SLIT2: variants seen among roughly 807,000 people sequenced by gnomAD.
SLIT2 encodes slit homolog 2 protein.
Under a neutral mutation model 185.7 loss-of-function variants are expected in SLIT2, and 41 were observed. The ratio of observed to expected loss-of-function variants is 0.22; its 90% CI spans 0.17 to 0.29. SLIT2 has a LOEUF of 0.29. SLIT2 is among the 10% of genes least tolerant of loss of function. The probability of loss-of-function intolerance (pLI) is 1.00; values close to 1 mark genes in which losing one functional copy is unlikely to be tolerated. For synonymous variants in SLIT2, 693 were observed against 680.2 expected (o/e 1.02, Z -0.29); for missense variants, 1,571 against 1,909.0 (o/e 0.82, Z 3.30).
chr4:20,444,281 G>A (rs541910453), intron 4 of SLIT2, among the ~76,000 whole-genome samples: 3 of 152,160 alleles, frequency 2.0e-5, no homozygotes, highest in South Asian at 4.2e-4. Context: ...ATAAAAATAG[G>A]CTCATTTAAG....
intron 4 of SLIT2, among the ~76,000 whole-genome samples, chr4:20,454,537 A>G (rs985958970): frequency 6.6e-6 from 1 of 152,294 alleles, no homozygotes; most frequent in Non-Finnish European, 1.5e-5. Flanking sequence ...ATTACTCAGT[A>G]GTTTCCAAAG....
intron 4 of SLIT2, among the ~76,000 whole-genome samples, chr4:20,453,595 A>C (rs1012785703): frequency 2.6e-5 from 4 of 152,226 alleles, no homozygotes; most frequent in Non-Finnish European, 5.9e-5. Flanking sequence ...TGAAGCTTAG[A>C]GAAGTTTAAA....
chr4:20,400,222 A>G (rs577612668), intron 4 of SLIT2, among the ~76,000 whole-genome samples: 2 of 151,888 alleles, frequency 1.3e-5, no homozygotes, highest in African/African-American at 4.8e-5. Context: ...ATTCTGACTG[A>G]TATGGTCAGA....
chr4:20,589,777 G>T, intron 30 of SLIT2, 40 bp downstream of exon 30: 1 of 1,466,958 alleles, frequency 6.8e-7, no homozygotes, highest in Non-Finnish European at 9.5e-7. Context: ...GTCAGGGTAG[G>T]GGACCCATTA....
chr4:20,320,307 A>G (rs1404803441), intron 4 of SLIT2, among the ~76,000 whole-genome samples: 1 of 152,162 alleles, frequency 6.6e-6, no homozygotes, highest in Non-Finnish European at 1.5e-5. Flanking sequence ...GCATGACTAT[A>G]GCTATTCATT....
chr4:20,549,867 T>A (rs889412307), intron 24 of SLIT2, among the ~76,000 whole-genome samples: 29 of 152,132 alleles, frequency 1.9e-4, no homozygotes, highest in African/African-American at 6.7e-4. Flanking sequence ...ATCTTCATCT[T>A]TACTGTGATT....
In SLIT2 at chr4:20,275,679, G is replaced by T. The variant is rs1322416044; in HGVS notation, c.395+6798G>T. Among the ~76,000 whole-genome samples, 5 of 152,038 alleles carry T rather than the reference G, an allele frequency of 3.3e-5. No homozygotes were observed. The East Asian group carries it at 9.6e-4, about 29-fold the overall frequency. On this transcript the variant is annotated intron_variant, in intron 4 of 36. Coordinates refer to ENST00000504154, the MANE Select transcript of SLIT2 (RefSeq NM_004787.4). ...GTACCATGTTATTTCTCTTTACTTG[G>T]CTGCAGAAGGTACATTAGGGCCAGG... is the stretch of plus-strand genomic sequence containing the variant.
chr4:20,291,361 G>A (rs1715798042), intron 4 of SLIT2, among the ~76,000 whole-genome samples: 1 of 148,732 alleles, frequency 6.7e-6, no homozygotes, highest in South Asian at 2.1e-4. Context: ...CACTACATAC[G>A]AGTATTTGGC....
chr4:20,528,166 A>G lies in SLIT2; in HGVS notation c.1463-783A>G, dbSNP rs1721463482. ...ACTGTGGTCATAAACATTCTGCGGGAAGAATGCATGTCATGTAAACAGTAT... is the reference window on the plus strand; with the variant it reads ...ACTGTGGTCATAAACATTCTGCGGGGAGAATGCATGTCATGTAAACAGTAT... On this transcript the variant is annotated intron_variant, in intron 15 of 36. Coordinates refer to ENST00000504154, the MANE Select transcript of SLIT2 (RefSeq NM_004787.4). The surrounding 1 kb of genome is among the most constrained non-coding windows in gnomAD (Gnocchi z 4.2). 3 of 483,356 alleles carry G rather than the reference A, an allele frequency of 6.2e-6. No homozygotes were observed. The highest frequency in any genetic ancestry group is 1.3e-5 in the Non-Finnish European group (3 of 235,112). The allele number at this position is 483,356 out of a possible 1,614,324, so 29.9% of individuals were successfully genotyped here.
intron 25 of SLIT2, 50 bp from the exon 26 acceptor site, chr4:20,553,755 G>GTA (rs1491407084): frequency 1.5e-6 from 2 of 1,370,530 alleles, no homozygotes; most frequent in South Asian, 3.3e-5. Context: ...GTGTGTGTGT[G>GTA]TATGTGTGTG....
Position 20,253,092 on chromosome 4 carries a change from G to A in SLIT2, c.-724G>A, listed in dbSNP as rs1722167460. Among the ~76,000 whole-genome samples, 1 of 152,188 alleles carries A rather than the reference G, an allele frequency of 6.6e-6. No homozygotes were observed. The highest frequency in any genetic ancestry group is 1.5e-5 in the Non-Finnish European group (1 of 68,030). On this transcript the variant is annotated 5_prime_UTR_variant, in exon 1 of 37. Coordinates refer to ENST00000504154, the MANE Select transcript of SLIT2 (RefSeq NM_004787.4). ...TTGCCCAGACATCCTTCAGCGAAGT[G>A]CATGTGTGTTTGTAAACCATCGTTG...
intron 4 of SLIT2, among the ~76,000 whole-genome samples, chr4:20,287,735 T>C (rs975000163): frequency 2.6e-5 from 4 of 152,188 alleles, no homozygotes; most frequent in African/African-American, 9.7e-5. Flanking sequence ...TCTCTCTCCT[T>C]CTAGAATTCA....
chr4:20,518,557 G>GTGTGTGTATATATATATA (rs1271279922), intron 11 of SLIT2, among the ~76,000 whole-genome samples: 11 of 17,860 alleles, frequency 6.2e-4, no homozygotes, highest in East Asian at 1.9e-3. Context: ...CAGCCTATAT[G>GTGTGTGTATATATATATA]TATATATATA....
In SLIT2 at chr4:20,523,740, A is replaced by T. The variant is rs773335809; in HGVS notation, c.1131-20A>T. On this transcript the variant is annotated intron_variant, in intron 12 of 36. Transcript: ENST00000504154. ...TAATAAGATGCTACACTTTAATTCT[A>T]CAACTATTTAATCAAACAGATTATT... 1.2e-6 allele frequency: 2 copies of T among 1,610,568 alleles called. No homozygotes were observed. The highest frequency in any genetic ancestry group is 1.7e-6 in the Non-Finnish European group (2 of 1,177,160).
rs77706586 is a variant in SLIT2 at position 20,521,994 on chromosome 4, T to G, written c.1131-1766T>G. Among the ~76,000 whole-genome samples, 1,233 of 152,266 alleles carry G rather than the reference T, an allele frequency of 8.1e-3. 12 individuals carry two copies. Among genetic ancestry groups the G allele is most frequent in the African/African-American group, 0.016 (663 of 41,538 alleles). Reference sequence around the variant, plus strand: ...GCACTGAACTAAATATAGCTAGATATAGCTTGATGCTGTATCCAAGTATTG... The same window carrying G: ...GCACTGAACTAAATATAGCTAGATAGAGCTTGATGCTGTATCCAAGTATTG... On this transcript the variant is annotated intron_variant, in intron 12 of 36. Coordinates refer to ENST00000504154, the MANE Select transcript of SLIT2 (RefSeq NM_004787.4).
chr4:20,254,043 C>T lies in SLIT2; in HGVS notation c.179+49C>T, dbSNP rs1484214102. ...CCCTCTCCCCATCCGGGCCGCGCACCCCTGCCTCCACTGGAGGAACCTGTC... is the reference window on the plus strand; with the variant it reads ...CCCTCTCCCCATCCGGGCCGCGCACTCCTGCCTCCACTGGAGGAACCTGTC... On this transcript the variant is annotated intron_variant, in intron 1 of 36. Coordinates refer to ENST00000504154, the MANE Select transcript of SLIT2 (RefSeq NM_004787.4). This position sits in a 1 kb window ranked among gnomAD's most constrained non-coding sequence, Gnocchi z 5.1. 1 of 1,560,172 alleles carries T rather than the reference C, an allele frequency of 6.4e-7. No individual in the cohort carries two copies. Among genetic ancestry groups the T allele is most frequent in the South Asian group, 1.1e-5 (1 of 87,502 alleles).
intron 4 of SLIT2, among the ~76,000 whole-genome samples, chr4:20,340,836 C>T (rs965153320): frequency 2.6e-5 from 4 of 152,212 alleles, no homozygotes; most frequent in Admixed American, 1.3e-4. Flanking sequence ...CTCCTGACCT[C>T]GTGATCGGCC....
At chr4:20,307,909 G>A (rs976697254) in intron 4 of SLIT2, among the ~76,000 whole-genome samples, 3 of 152,112 alleles carry the variant, frequency 2.0e-5, no homozygotes, top group African/African-American at 4.8e-5. Flanking sequence ...AGCCCATGTC[G>A]TTTTCACAAC....
intron 29 of SLIT2, among the ~76,000 whole-genome samples, chr4:20,576,634 T>C (rs547998436): frequency 4.6e-5 from 7 of 152,306 alleles, no homozygotes; most frequent in African/African-American, 1.7e-4. Flanking sequence ...TTGCCATCTG[T>C]TTTTACTAGA....
Sources: allele counts gnomAD v4.1 joint callset (sites outside exome capture counted in the v4.1 genomes callset), GRCh38; gene constraint gnomAD v4.1.1; non-coding constraint Gnocchi (gnomAD v3.1); transcripts MANE v1.5; gene names NCBI Gene and HGNC (gene_info 2026-07-23, HGNC 2026-07-21).